TRABD2B: variants seen among roughly 807,000 people sequenced by gnomAD.
TRABD2B encodes the protein TraB domain containing 2B, also known as metalloprotease TIKI2.
Under a neutral mutation model 40.1 loss-of-function variants are expected in TRABD2B, and 14 were observed. The observed-to-expected ratio is 0.35, with a 90% CI of 0.23 to 0.55. The LOEUF (loss-of-function observed/expected upper bound fraction) is 0.55. Among genes scored for constraint, TRABD2B ranks in the 20% least tolerant of loss-of-function variants. The pLI, the probability that TRABD2B is intolerant of heterozygous loss-of-function variation, is 0.90. For missense variants in TRABD2B, 541 were observed against 648.6 expected, an observed-to-expected ratio of 0.83 and a Z score of 1.80; for synonymous variants, 263 against 277.0, an observed-to-expected ratio of 0.95 and a Z score of 0.50.
Position 47,765,418 on chromosome 1 carries a change from C to T in TRABD2B, c.*484G>A. 1 of 157,072 alleles carries T rather than the reference C, an allele frequency of 6.4e-6. No homozygotes were observed. The highest frequency in any genetic ancestry group is 1.4e-5 in the Non-Finnish European group (1 of 70,930). 9.7% of individuals were successfully genotyped at this position (157,072 alleles called of 1,614,324 possible). ...GGATGGCCAACGTTCACACCTCTGG[C>T]TCCCAAATCCAGCTTCACAAAGGCT... On this transcript the variant is annotated 3_prime_UTR_variant, in exon 7 of 7. Transcript: ENST00000606738.
chr1:47,871,607 C>A (rs1029742176), intron 2 of TRABD2B, among the ~76,000 whole-genome samples: 4 of 152,134 alleles, frequency 2.6e-5, no homozygotes, highest in African/African-American at 9.7e-5. Flanking sequence ...ACACTCAGAG[C>A]CAGAGATGGT....
intron 2 of TRABD2B, among the ~76,000 whole-genome samples, chr1:47,868,753 C>T (rs1005924874): frequency 2.6e-5 from 4 of 152,172 alleles, no homozygotes; most frequent in African/African-American, 4.8e-5. Flanking sequence ...AGGTTGGGAA[C>T]CACTGCTCTA....
chr1:47,831,532 G>A (rs1021721381), intron 2 of TRABD2B, among the ~76,000 whole-genome samples: 1 of 152,154 alleles, frequency 6.6e-6, no homozygotes. Context: ...TGTGCTCTGG[G>A]CAACTTTTAG....
intron 2 of TRABD2B, among the ~76,000 whole-genome samples, chr1:47,951,125 C>A (rs1398953045): frequency 6.6e-6 from 1 of 152,184 alleles, no homozygotes; most frequent in African/African-American, 2.4e-5. Context: ...AGACTTCAGG[C>A]GTCGACTCTC....
chr1:47,984,713 C>T (rs12133774), intron 2 of TRABD2B, among the ~76,000 whole-genome samples: 31,610 of 152,040 alleles, frequency 0.21, 3,775 homozygotes, highest in East Asian at 0.27. Context: ...TTTTTACTCC[C>T]TCCGATCTCA....
At chr1:47,967,721 A>G (rs560577868) in intron 2 of TRABD2B, among the ~76,000 whole-genome samples, 1 of 152,248 alleles carries the variant, frequency 6.6e-6, no homozygotes, top group African/African-American at 2.4e-5. Flanking sequence ...AGTCATCCAG[A>G]GAAAAGGCAA....
At chr1:47,831,471 G>C (rs1008475249) in intron 2 of TRABD2B, among the ~76,000 whole-genome samples, 75 of 152,236 alleles carry the variant, frequency 4.9e-4, no homozygotes, top group African/African-American at 1.8e-3. Flanking sequence ...TACACCTCCA[G>C]GATCTGCAGA....
chr1:47,766,039 AG>A lies in TRABD2B; in HGVS notation c.1416del (p.Phe473SerfsTer88). The A allele has an allele frequency of 1.4e-6, 1 of 695,812 alleles. No homozygotes were observed. Among genetic ancestry groups the A allele is most frequent in the South Asian group, 1.5e-5 (1 of 65,940 alleles). The allele number at this position is 695,812 out of a possible 1,614,324, so 43.1% of individuals were successfully genotyped here. ...TGTTGTAGCTGGTCTGAAAGCTGGA[AG>A]GGGGGCTTGGCGGTCCCCGAGCTGT... ...PTHSSGTAKP[P>X]FQLSDQLQQQ... On this transcript the variant is annotated frameshift_variant, in exon 7 of 7. Coordinates refer to ENST00000606738, the MANE Select transcript of TRABD2B (RefSeq NM_001194986.2). LOFTEE classifies it low-confidence loss of function (END_TRUNC).
At position 47,775,297 on chromosome 1, in the gene TRABD2B, G is replaced by T; in HGVS notation, c.1222C>A (p.His408Asn). 1.6e-6 allele frequency: 2 copies of T among 1,255,168 alleles called. No homozygotes were observed. The highest frequency in any genetic ancestry group is 2.0e-6 in the Non-Finnish European group (2 of 997,324). 77.8% of individuals were successfully genotyped at this position (1,255,168 alleles called of 1,614,324 possible). The stretch of plus-strand genomic sequence containing the variant: ...CTGAGGCTGTCGGGGAGCAGGAGGT[G>T]TGGGGACAGGGCTGGATCCTCATCC... ...PEDEDPALSP[H>N]LLLPDSLSQL... is the part of the protein sequence containing the mutation. Residue 408 changes from histidine to asparagine, a missense_variant, in exon 6 of 7, where the codon CAC becomes AAC. By Grantham distance (68) the His-to-Asn change is moderately conservative. This residue lies in a region of TRABD2B where 172 missense variants were observed against 155.8 expected (regional missense o/e 1.10). Coordinates refer to ENST00000606738, the MANE Select transcript of TRABD2B (RefSeq NM_001194986.2).
intron 2 of TRABD2B, among the ~76,000 whole-genome samples, chr1:47,896,776 A>C (rs1205400933): frequency 6.6e-6 from 1 of 152,162 alleles, no homozygotes; most frequent in East Asian, 1.9e-4. Flanking sequence ...AAGAAACTCC[A>C]ACTCCCTTGG....
At chr1:47,954,951 T>A (rs1341984618) in intron 2 of TRABD2B, among the ~76,000 whole-genome samples, 2 of 152,112 alleles carry the variant, frequency 1.3e-5, no homozygotes, top group Non-Finnish European at 2.9e-5. Context: ...CTCCCACATC[T>A]TCATCTCCAG....
At position 47,939,590 on chromosome 1, in the gene TRABD2B, C is replaced by T. The variant is rs553920421; in HGVS notation, c.666+54444G>A. On this transcript the variant is annotated intron_variant, in intron 2 of 6. Transcript: ENST00000606738. The stretch of plus-strand genomic sequence containing the variant: ...TGTAATCCCCTGGACAGAAAAATTA[C>T]GGGAGCTTGAAGAGGTGGAGTTACT... 3.9e-5 allele frequency among the ~76,000 whole-genome samples: 6 copies of T among 152,232 alleles called. 1 individual carries two copies. Among genetic ancestry groups the T allele is most frequent in the South Asian group, 2.1e-4 (1 of 4,822 alleles).
In TRABD2B at chr1:47,872,002, G is replaced by T. The variant is rs1019834488; in HGVS notation, c.667-70383C>A. On this transcript the variant is annotated intron_variant, in intron 2 of 6. Coordinates refer to ENST00000606738, the MANE Select transcript of TRABD2B (RefSeq NM_001194986.2). ...ATATGAGTCATCTTGCATCTGCTCT[G>T]GGGAACAAGAGTCTATTAATGAGCC... 2.6e-5 allele frequency among the ~76,000 whole-genome samples: 4 copies of T among 152,304 alleles called. No homozygotes were observed. The East Asian group carries it at 7.7e-4, about 29-fold the overall frequency.
chr1:47,828,591 C>G lies in TRABD2B; in HGVS notation c.667-26972G>C, dbSNP rs755939068. Among the ~76,000 whole-genome samples the G allele has an allele frequency of 6.6e-5, 10 of 152,292 alleles. No individual in the cohort carries two copies. In the South Asian group the frequency reaches 2.1e-3, roughly 32 times the overall value. ...ATTCCCTTTTGTGGCCAGAGCATGC[C>G]GAGGCCAGAGGTATAAGTCCCTTTG... On this transcript the variant is annotated intron_variant, in intron 2 of 6. Transcript: ENST00000606738.
chr1:47,815,758 G>A (rs1415842173), intron 2 of TRABD2B, among the ~76,000 whole-genome samples: 4 of 150,536 alleles, frequency 2.7e-5, no homozygotes, highest in Non-Finnish European at 5.9e-5. Flanking sequence ...GAATGTGTGT[G>A]CACACATGTG....
intron 2 of TRABD2B, among the ~76,000 whole-genome samples, chr1:47,891,364 C>A (rs6666907): frequency 3.9e-5 from 6 of 151,912 alleles, no homozygotes; most frequent in Non-Finnish European, 4.4e-5. Context: ...AGAGAGTAAG[C>A]GGGGCTACTA....
At chr1:47,795,731 G>A (rs1644739240) in intron 3 of TRABD2B, 1 of 984,668 alleles carries the variant, frequency 1.0e-6, no homozygotes, top group South Asian at 4.7e-5. Flanking sequence ...CAATGCCTGA[G>A]CCACCATCTG....
chr1:47,786,085 G>A (rs1177103096), intron 4 of TRABD2B, among the ~76,000 whole-genome samples: 4 of 152,204 alleles, frequency 2.6e-5, no homozygotes, highest in Admixed American at 6.5e-5. Context: ...TCACATTTAC[G>A]GAATGACTGT....
intron 2 of TRABD2B, among the ~76,000 whole-genome samples, chr1:47,850,180 G>A (rs1169992764): frequency 6.6e-6 from 1 of 152,254 alleles, no homozygotes; most frequent in African/African-American, 2.4e-5. Flanking sequence ...AGTCCTAGAG[G>A]ATGCTGTAGA....
Sources: allele counts gnomAD v4.1 joint callset (sites outside exome capture counted in the v4.1 genomes callset), GRCh38; gene constraint gnomAD v4.1.1; regional missense constraint gnomAD v4.1.1; transcripts MANE v1.5; gene names NCBI Gene and HGNC (gene_info 2026-07-23, HGNC 2026-07-21).